The following UBE2E1 variants were observed in gnomAD, a reference collection of about 807,000 sequenced individuals.
The protein encoded by UBE2E1 is ubiquitin-conjugating enzyme E2 E1.
In UBE2E1, 6 loss-of-function variants were observed where a neutral mutation model predicts 21.4. That is an observed-to-expected ratio of 0.28 (90% CI 0.15 to 0.55). The LOEUF (loss-of-function observed/expected upper bound fraction) is 0.55. UBE2E1 is among the 20% of genes least tolerant of loss of function. The pLI is 0.93. For missense variants in UBE2E1, 142 were observed against 236.5 expected (o/e 0.60, Z 2.62); for synonymous variants, 87 against 82.7 (o/e 1.05, Z -0.28).
Position 23,816,440 on chromosome 3 carries a change from A to C in UBE2E1, c.203+4930A>C, listed in dbSNP as rs7615640. ...ATACTAAGTGGGCTGGGCGCAGTGG[A>C]TTACGCTTGTAATCCCAGCACTTTG... On this transcript the variant is annotated intron_variant, in intron 3 of 5. Transcript: ENST00000306627. This position sits in a 1 kb window ranked among gnomAD's most constrained non-coding sequence, Gnocchi z 4.8. Among the ~76,000 whole-genome samples, 113,619 of 152,118 alleles carry C rather than the reference A, an allele frequency of 0.75. 42,799 individuals are homozygous for C. Among genetic ancestry groups the C allele is most frequent in the African/African-American group, 0.81 (33,694 of 41,496 alleles).
intron 3 of UBE2E1, among the ~76,000 whole-genome samples, chr3:23,861,450 C>T (rs112289145): frequency 7.1e-4 from 108 of 152,272 alleles, no homozygotes; most frequent in African/African-American, 1.4e-3. Context: ...AAGGGTGGGT[C>T]CCTGGCGAGG....
At chr3:23,862,334 C>T (rs1481786044) in intron 3 of UBE2E1, among the ~76,000 whole-genome samples, 2 of 152,178 alleles carry the variant, frequency 1.3e-5, no homozygotes, top group East Asian at 1.9e-4. Flanking sequence ...AAAAGTTCTT[C>T]GGTTTGGTCA....
chr3:23,807,202 T>G, intron 1 of UBE2E1, 35 bp from the exon 2 acceptor site: 17 of 1,524,952 alleles, frequency 1.1e-5, no homozygotes, highest in Non-Finnish European at 1.5e-5. Flanking sequence ...GCTGCATGGT[T>G]TGTGTGTTTC....
chr3:23,844,691 G>T (rs1164129358), intron 3 of UBE2E1, among the ~76,000 whole-genome samples: 3 of 152,138 alleles, frequency 2.0e-5, no homozygotes, highest in South Asian at 4.1e-4. Context: ...TGTCCTCTTA[G>T]GTGCGTTCTG....
In UBE2E1 at chr3:23,842,237, GT is replaced by G. The variant is rs771657565; in HGVS notation, c.203+30728del. Among the ~76,000 whole-genome samples the G allele has an allele frequency of 7.2e-3, 540 of 74,490 alleles. 5 individuals are homozygous for G. Among genetic ancestry groups the G allele is most frequent in the Middle Eastern group, 0.019 (3 of 162 alleles). The allele number at this position is 74,490 out of a possible 152,430, so 48.9% of individuals were successfully genotyped here. A position where few individuals can be genotyped will look rare whatever the true frequency, so the allele number is the denominator to read the frequency against. ...TGTGTGTGTGTGTGTGTGTGTGTGT[GT>G]GTGTGTGTGTGGTGTTGTTGTTGTT... On this transcript the variant is annotated intron_variant, in intron 3 of 5. Transcript: ENST00000306627. This position sits in a 1 kb window ranked among gnomAD's most constrained non-coding sequence, Gnocchi z 4.6.
At position 23,808,865 on chromosome 3, in the gene UBE2E1, C is replaced by G. The variant is rs1046327149; in HGVS notation, c.152+1444C>G. The stretch of plus-strand genomic sequence containing the variant: ...CTCTGATCCTCATTCACGTTTTGGC[C>G]TCACGTGCTCAAGCCAGGATACTTG... On this transcript the variant is annotated intron_variant, in intron 2 of 5. Transcript: ENST00000306627. This position sits in a 1 kb window ranked among gnomAD's most constrained non-coding sequence, Gnocchi z 4.9. 2 of 152,178 alleles carry G rather than the reference C, an allele frequency of 1.3e-5. No individual in the cohort carries two copies. The highest frequency in any genetic ancestry group is 4.8e-5 in the African/African-American group (2 of 41,412). 9.4% of individuals were successfully genotyped at this position (152,178 alleles called of 1,614,324 possible).
At chr3:23,847,936 C>G (rs1329807563) in intron 3 of UBE2E1, among the ~76,000 whole-genome samples, 2 of 152,164 alleles carry the variant, frequency 1.3e-5, no homozygotes, top group East Asian at 1.9e-4. Flanking sequence ...GTGTGAATTA[C>G]TTTAGATATA....
At chr3:23,831,217 A>G (rs1292321318) in intron 3 of UBE2E1, among the ~76,000 whole-genome samples, 1 of 152,264 alleles carries the variant, frequency 6.6e-6, no homozygotes, top group African/African-American at 2.4e-5. Context: ...TCTGGATATC[A>G]GAAACAACAG....
At chr3:23,871,920 C>A (rs576770816) in intron 3 of UBE2E1, among the ~76,000 whole-genome samples, 259 of 151,604 alleles carry the variant, frequency 1.7e-3, no homozygotes, top group Middle Eastern at 3.4e-3. Context: ...CTCCTCACGT[C>A]CCAGACGATG....
intron 3 of UBE2E1, among the ~76,000 whole-genome samples, chr3:23,818,686 C>T (rs1206394738): frequency 6.6e-6 from 1 of 152,172 alleles, no homozygotes; most frequent in Non-Finnish European, 1.5e-5. Flanking sequence ...GGTGGCCTGA[C>T]GGTGGAGCTG....
Position 23,810,675 on chromosome 3 carries a change from C to A in UBE2E1, c.153-785C>A. ...TTCGCGCCCTGCTTTCGCGCGCGGT[C>A]TCGGGCCAAGGTTCTGGGCGCCGGG... On this transcript the variant is annotated intron_variant, in intron 2 of 5. Transcript: ENST00000306627. This position sits in a 1 kb window ranked among gnomAD's most constrained non-coding sequence, Gnocchi z 5.8. The A allele has an allele frequency of 1.3e-6, 1 of 743,682 alleles. No individual in the cohort carries two copies. The highest frequency in any genetic ancestry group is 2.0e-6 in the Non-Finnish European group (1 of 489,310). The allele number at this position is 743,682 out of a possible 1,614,324, so 46.1% of individuals were successfully genotyped here.
chr3:23,885,269 C>T (rs900457612), intron 3 of UBE2E1, among the ~76,000 whole-genome samples: 1 of 152,182 alleles, frequency 6.6e-6, no homozygotes, highest in East Asian at 1.9e-4. Context: ...AAAGGCTCCA[C>T]CTCCTAATAC....
chr3:23,843,037 A>G (rs73150220), intron 3 of UBE2E1, among the ~76,000 whole-genome samples: 2,129 of 151,482 alleles, frequency 0.014, 44 homozygotes, highest in African/African-American at 0.049. Context: ...ATAAAAATAT[A>G]TATTATAGTA....
chr3:23,856,883 A>T (rs1045917298), intron 3 of UBE2E1, among the ~76,000 whole-genome samples: 27 of 151,920 alleles, frequency 1.8e-4, no homozygotes, highest in African/African-American at 6.5e-4. Flanking sequence ...CACCTCAATA[A>T]TCCTAGCAGT....
chr3:23,822,629 G>A (rs946131735), intron 3 of UBE2E1, among the ~76,000 whole-genome samples: 1 of 152,112 alleles, frequency 6.6e-6, no homozygotes, highest in Non-Finnish European at 1.5e-5. Flanking sequence ...TTCAAGACTT[G>A]GTTTGAAATT....
Position 23,850,689 on chromosome 3 carries a change from T to G in UBE2E1, c.204-36878T>G, listed in dbSNP as rs920810839. ...ATCCGGCACACCTGATTGTTTTTTT[T>G]TTTTTTTTTTTTGAGATAGGGTCTC... On this transcript the variant is annotated intron_variant, in intron 3 of 5. Coordinates refer to ENST00000306627, the MANE Select transcript of UBE2E1 (RefSeq NM_003341.5). 5.4e-5 allele frequency among the ~76,000 whole-genome samples: 8 copies of G among 149,512 alleles called. 1 individual carries two copies. The highest frequency in any genetic ancestry group is 1.3e-4 in the Admixed American group (2 of 15,052).
At position 23,842,200 on chromosome 3, in the gene UBE2E1, T is replaced by TGTGTGTGTGC. The variant is rs1700101314; in HGVS notation, c.203+30699_203+30700insCGTGTGTGTG. On this transcript the variant is annotated intron_variant, in intron 3 of 5. Coordinates refer to ENST00000306627, the MANE Select transcript of UBE2E1 (RefSeq NM_003341.5). This position sits in a 1 kb window ranked among gnomAD's most constrained non-coding sequence, Gnocchi z 4.6. Reference sequence around the variant, plus strand: ...TGTCATGACCCAGTAAGTGAAGGGGTGTGTGTGTGTGTGTGTGTGTGTGTG... The same window carrying TGTGTGTGTGC: ...TGTCATGACCCAGTAAGTGAAGGGGTGTGTGTGTGCGTGTGTGTGTGTGTGTGTGTGTGTG... 1.4e-5 allele frequency among the ~76,000 whole-genome samples: 1 copy of TGTGTGTGTGC among 69,946 alleles called. No individual in the cohort carries two copies. 45.9% of individuals were successfully genotyped at this position (69,946 alleles called of 152,430 possible).
chr3:23,859,884 G>A (rs1700514888), intron 3 of UBE2E1, among the ~76,000 whole-genome samples: 1 of 152,068 alleles, frequency 6.6e-6, no homozygotes. Context: ...ATTTTTATTG[G>A]TTTATTATAT....
chr3:23,851,006 A>T (rs1216926290), intron 3 of UBE2E1, among the ~76,000 whole-genome samples: 1 of 151,880 alleles, frequency 6.6e-6, no homozygotes, highest in African/African-American at 2.4e-5. Context: ...TTTTCTTCTA[A>T]GAGTTTCATA....
Sources: gnomAD v4.1 joint callset for allele counts (sites outside exome capture counted in the v4.1 genomes callset) on GRCh38, gnomAD v4.1.1 for gene constraint, Gnocchi (gnomAD v3.1) non-coding constraint, MANE v1.5 for transcripts, NCBI Gene and HGNC (gene_info 2026-07-23, HGNC 2026-07-21) for gene names.